Variants in DPP10 observed in about 807,000 individuals in gnomAD.
DPP10 encodes the protein inactive dipeptidyl peptidase 10.
Under a neutral mutation model 120.9 loss-of-function variants are expected in DPP10, and 33 were observed. The ratio of observed to expected loss-of-function variants is 0.27; its 90% CI spans 0.21 to 0.37. The LOEUF (loss-of-function observed/expected upper bound fraction) is 0.37, where lower values mean the gene tolerates loss of function less well. DPP10 is among the 10% of genes least tolerant of loss of function. The pLI, the probability that DPP10 is intolerant of heterozygous loss-of-function variation, is 1.00. For missense variants in DPP10, 816 were observed against 942.8 expected (o/e 0.87, Z 1.76); for synonymous variants, 337 against 326.1 (o/e 1.03, Z -0.36).
At chr2:114,697,597 T>C (rs1333229231) in intron 1 of DPP10, among the ~76,000 whole-genome samples, 1 of 151,538 alleles carries the variant, frequency 6.6e-6, no homozygotes, top group Admixed American at 6.6e-5. Context: ...AAAAATATAA[T>C]AAATTAGCCA....
At position 115,842,313 on chromosome 2, in the gene DPP10, G is replaced by A; in HGVS notation, c.2359G>A (p.Val787Met). ...TGATTGTTTGAAGGAAGAAATATCT[G>A]TGCTACCACAGGAACCAGAAGAAGA... ...FSDCLKEEISVLPQEPEEDE is the reference protein window; with the variant it reads ...FSDCLKEEISMLPQEPEEDE The change falls in exon 26 of 26, where the codon GTG becomes ATG. Residue 787 changes from valine to methionine, a missense_variant. Around this residue, in one of 3 missense-constraint regions of DPP10, gnomAD observed 592 missense variants for 649.0 expected, o/e 0.91. Coordinates refer to ENST00000410059, the MANE Select transcript of DPP10 (RefSeq NM_020868.6). 6.2e-7 allele frequency: 1 copy of A among 1,613,914 alleles called. No homozygotes were observed. The highest frequency in any genetic ancestry group is 8.5e-7 in the Non-Finnish European group (1 of 1,179,898).
intron 1 of DPP10, among the ~76,000 whole-genome samples, chr2:114,927,037 G>A (rs1695685434): frequency 6.6e-6 from 1 of 151,886 alleles, no homozygotes; most frequent in Admixed American, 6.6e-5. Flanking sequence ...TTTTAGTAGA[G>A]ATGGGGTTTC....
intron 1 of DPP10, among the ~76,000 whole-genome samples, chr2:114,746,182 T>C (rs1678562276): frequency 6.6e-6 from 1 of 152,228 alleles, no homozygotes; most frequent in South Asian, 2.1e-4. Context: ...TGTTTCCTTT[T>C]ATTCACCTCT....
intron 1 of DPP10, among the ~76,000 whole-genome samples, chr2:114,573,284 A>G (rs1225989015): frequency 1.3e-5 from 2 of 152,230 alleles, no homozygotes; most frequent in African/African-American, 4.8e-5. Context: ...ACACCTGGTT[A>G]TATTTGTGTT....
chr2:115,334,342 G>A (rs561593849), intron 2 of DPP10, among the ~76,000 whole-genome samples: 1 of 149,708 alleles, frequency 6.7e-6, no homozygotes, highest in African/African-American at 2.4e-5. Context: ...GCCAAGAAGA[G>A]CAAAGGTGAT....
chr2:115,819,430 C>G (rs1687586775), intron 21 of DPP10, among the ~76,000 whole-genome samples: 1 of 152,176 alleles, frequency 6.6e-6, no homozygotes, highest in South Asian at 2.1e-4. Context: ...CTAGTGCCTT[C>G]TTGCTTTTGC....
At chr2:114,731,974 G>A (rs958698858) in intron 1 of DPP10, among the ~76,000 whole-genome samples, 4 of 152,156 alleles carry the variant, frequency 2.6e-5, no homozygotes, top group Admixed American at 6.5e-5. Flanking sequence ...CCATATGAAA[G>A]TGGATACTAG....
chr2:114,905,960 A>G lies in DPP10; in HGVS notation c.61-403279A>G, dbSNP rs370017952. Among the ~76,000 whole-genome samples the G allele has an allele frequency of 4.6e-5, 7 of 152,326 alleles. No individual in the cohort carries two copies. In the East Asian group the frequency reaches 1.4e-3, roughly 29 times the overall value. On this transcript the variant is annotated intron_variant, in intron 1 of 25. Transcript: ENST00000410059. Reference sequence around the variant, plus strand: ...CATTTTATTTCTTAGGATATTCTGTATATATAAAATCATGTTAACTACACA... The same window carrying G: ...CATTTTATTTCTTAGGATATTCTGTGTATATAAAATCATGTTAACTACACA...
At chr2:114,924,108 T>G (rs538217605) in intron 1 of DPP10, among the ~76,000 whole-genome samples, 1 of 152,140 alleles carries the variant, frequency 6.6e-6, no homozygotes, top group Admixed American at 6.5e-5. Context: ...TCACTTACAA[T>G]GCAAATTTTA....
intron 3 of DPP10, among the ~76,000 whole-genome samples, chr2:115,364,794 C>T (rs185450216): frequency 5.9e-4 from 90 of 152,038 alleles, no homozygotes; most frequent in Admixed American, 2.4e-3. Flanking sequence ...GTTGTTTCAG[C>T]AAATGAATTA....
At chr2:115,296,163 C>T (rs2060875115) in intron 1 of DPP10, among the ~76,000 whole-genome samples, 1 of 151,932 alleles carries the variant, frequency 6.6e-6, no homozygotes, top group Admixed American at 6.6e-5. Flanking sequence ...CAGATCAGAC[C>T]CAGGTTTCTG....
At chr2:115,435,108 C>T (rs2071373157) in intron 3 of DPP10, among the ~76,000 whole-genome samples, 1 of 149,604 alleles carries the variant, frequency 6.7e-6, no homozygotes, top group South Asian at 2.1e-4. Flanking sequence ...TCTGTTATTC[C>T]ATATATTGGC....
chr2:115,004,000 T>A (rs1701634992), intron 1 of DPP10, among the ~76,000 whole-genome samples: 1 of 152,220 alleles, frequency 6.6e-6, no homozygotes, highest in African/African-American at 2.4e-5. Flanking sequence ...AATTCAAGTA[T>A]TCATCAAACT....
intron 5 of DPP10, among the ~76,000 whole-genome samples, chr2:115,641,307 G>A (rs903573037): frequency 1.3e-5 from 2 of 152,062 alleles, no homozygotes; most frequent in Non-Finnish European, 2.9e-5. Flanking sequence ...GTTTTGCCAC[G>A]GCATCAAGGC....
intron 5 of DPP10, among the ~76,000 whole-genome samples, chr2:115,688,283 T>C (rs1345215993): frequency 2.6e-5 from 4 of 152,154 alleles, no homozygotes; most frequent in South Asian, 4.1e-4. Context: ...TAAAACACAA[T>C]ACTCTAACAA....
intron 5 of DPP10, among the ~76,000 whole-genome samples, chr2:115,587,361 G>A (rs1451079315): frequency 6.6e-6 from 1 of 152,010 alleles, no homozygotes; most frequent in Non-Finnish European, 1.5e-5. Flanking sequence ...GCCTCCCAAA[G>A]TGAACATTGT....
intron 1 of DPP10, among the ~76,000 whole-genome samples, chr2:115,097,003 T>C (rs2048431949): frequency 6.6e-6 from 1 of 152,164 alleles, no homozygotes; most frequent in African/African-American, 2.4e-5. Context: ...TAAAAGGTTT[T>C]GCTTGAGCAG....
chr2:115,269,101 C>T (rs1473321922), intron 1 of DPP10, among the ~76,000 whole-genome samples: 1 of 152,106 alleles, frequency 6.6e-6, no homozygotes, highest in Non-Finnish European at 1.5e-5. Context: ...GAGCGGAGAC[C>T]ACGCCATTGC....
At chr2:114,584,359 C>T (rs1327130530) in intron 1 of DPP10, among the ~76,000 whole-genome samples, 2 of 152,114 alleles carry the variant, frequency 1.3e-5, no homozygotes, top group African/African-American at 4.8e-5. Flanking sequence ...TTAACAACCT[C>T]AGGTCACCTG....
Sources: allele counts gnomAD v4.1 joint callset (sites outside exome capture counted in the v4.1 genomes callset), GRCh38; gene constraint gnomAD v4.1.1; regional missense constraint gnomAD v4.1.1; transcripts MANE v1.5; gene names NCBI Gene and HGNC (gene_info 2026-07-23, HGNC 2026-07-21).